ARHGAP8: variants seen among roughly 807,000 people sequenced by gnomAD.
The protein encoded by ARHGAP8 is Rho GTPase activating protein 8, also known as rho GTPase-activating protein 8.
In ARHGAP8, 62 loss-of-function variants were observed where a neutral mutation model predicts 46.1. The ratio of observed to expected loss-of-function variants is 1.34; its 90% CI spans 1.10 to 1.66. The LOEUF (loss-of-function observed/expected upper bound fraction) is 1.66. Ranked by LOEUF, ARHGAP8 falls within the 40% of genes most tolerant of loss-of-function variation. The pLI is 0.00. For synonymous variants in ARHGAP8, 375 were observed against 243.1 expected (o/e 1.54, Z -5.05); for missense variants, 923 against 568.4 (o/e 1.62, Z -6.34).
chr22:44,832,747 C>A (rs1931030652), intron 7 of ARHGAP8, among the ~76,000 whole-genome samples: 1 of 152,022 alleles, frequency 6.6e-6, no homozygotes, highest in South Asian at 2.1e-4. Context: ...CCTTTTATTG[C>A]CTGATTATGC....
At chr22:44,824,848 G>T (rs1930397405) in intron 6 of ARHGAP8, among the ~76,000 whole-genome samples, 1 of 151,852 alleles carries the variant, frequency 6.6e-6, no homozygotes, top group Admixed American at 6.6e-5. Context: ...GGCCGGGCTG[G>T]TCTCAAACTC....
At chr22:44,791,339 A>G (rs62232208) in intron 2 of ARHGAP8, among the ~76,000 whole-genome samples, 31,359 of 151,952 alleles carry the variant, frequency 0.21, 3,784 homozygotes, top group Non-Finnish European at 0.28. Context: ...TCCTTGGGAG[A>G]TGATGGCACA....
chr22:44,786,683 C>G, intron 2 of ARHGAP8, 77 bp downstream of exon 2: 1 of 1,526,382 alleles, frequency 6.6e-7, no homozygotes, highest in Non-Finnish European at 8.8e-7. Flanking sequence ...GCAAAGTGGG[C>G]TCGTCAGGGG....
intron 7 of ARHGAP8, among the ~76,000 whole-genome samples, chr22:44,840,844 G>A (rs1056871562): frequency 2.0e-5 from 3 of 152,230 alleles, no homozygotes; most frequent in East Asian, 1.9e-4. Context: ...AAGCTCCCTG[G>A]GGTCGCTTTT....
At chr22:44,782,834 CA>C (rs1569142372) in intron 1 of ARHGAP8, among the ~76,000 whole-genome samples, 1 of 152,190 alleles carries the variant, frequency 6.6e-6, no homozygotes, top group Non-Finnish European at 1.5e-5. Context: ...TCCCCGTCTC[CA>C]GCTTTCCTGG....
In ARHGAP8 at chr22:44,848,926, G is replaced by A. The variant is rs2070027059; in HGVS notation, c.749-6G>A. On this transcript the variant is annotated splice_polypyrimidine_tract_variant and splice_region_variant and intron_variant, in intron 9 of 11. Coordinates refer to ENST00000356099, the MANE Select transcript of ARHGAP8 (RefSeq NM_181335.3). ...AGACCTCAGCAGTGCTGTGTTGTGT[G>A]TGCAGGGAAGCCCGTGAACTTTGAC... The A allele has an allele frequency of 6.2e-7, 1 of 1,614,088 alleles. No homozygotes were observed. The highest frequency in any genetic ancestry group is 1.3e-5 in the African/African-American group (1 of 75,054).
chr22:44,838,053 A>G (rs917318953), intron 7 of ARHGAP8, among the ~76,000 whole-genome samples: 5 of 152,016 alleles, frequency 3.3e-5, no homozygotes, highest in African/African-American at 4.8e-5. Context: ...AGCTCGCTGC[A>G]GCCTCCACCT....
At chr22:44,826,363 T>G (rs376929248) in intron 7 of ARHGAP8, among the ~76,000 whole-genome samples, 1 of 152,170 alleles carries the variant, frequency 6.6e-6, no homozygotes, top group African/African-American at 2.4e-5. Context: ...ATACCCTTTA[T>G]CAGCCACATG....
At chr22:44,771,242 A>ATTT (rs368256843) in intron 1 of ARHGAP8, among the ~76,000 whole-genome samples, 16,668 of 108,074 alleles carry the variant, frequency 0.15, 1,694 homozygotes, top group Non-Finnish European at 0.17. Context: ...TTGCAAGTAA[A>ATTT]TTTTTTTTTT....
chr22:44,754,937 A>C (rs9614903), intron 1 of ARHGAP8, among the ~76,000 whole-genome samples: 73,388 of 151,846 alleles, frequency 0.48, 18,270 homozygotes, highest in Non-Finnish European at 0.54. Context: ...TGAGAAAGAG[A>C]TGGAGAAGGA....
rs755105561 is a variant in ARHGAP8, at chr22:44,794,078, C to T, written c.79+7472C>T. On this transcript the variant is annotated intron_variant, in intron 2 of 11. Coordinates refer to ENST00000356099, the MANE Select transcript of ARHGAP8 (RefSeq NM_181335.3). The stretch of plus-strand genomic sequence containing the variant: ...GGAGTCAGCCTCGGCCAGCTGCTCG[C>T]GTCAACCCACCCTGACGCTCACTTG... Among the ~76,000 whole-genome samples the T allele has an allele frequency of 6.6e-5, 10 of 152,196 alleles. No individual in the cohort carries two copies. In the East Asian group the frequency reaches 9.7e-4, roughly 15 times the overall value.
At chr22:44,842,488 T>C (rs763662679) in intron 7 of ARHGAP8, among the ~76,000 whole-genome samples, 7 of 152,148 alleles carry the variant, frequency 4.6e-5, no homozygotes, top group Non-Finnish European at 1.0e-4. Flanking sequence ...TTTTTGGTTG[T>C]CGTGGAATCA....
chr22:44,765,752 C>T (rs913513367), intron 1 of ARHGAP8: 1 of 152,434 alleles, frequency 6.6e-6, no homozygotes, highest in Non-Finnish European at 1.5e-5. Context: ...GACACATGAC[C>T]AGCATGTGCC....
At chr22:44,834,768 A>G (rs959766800) in intron 7 of ARHGAP8, among the ~76,000 whole-genome samples, 3 of 152,152 alleles carry the variant, frequency 2.0e-5, no homozygotes, top group Non-Finnish European at 2.9e-5. Flanking sequence ...TTTTGGCTCC[A>G]CATGTTTAGG....
At chr22:44,767,423 T>A (rs569384494) in intron 1 of ARHGAP8, among the ~76,000 whole-genome samples, 2 of 152,262 alleles carry the variant, frequency 1.3e-5, no homozygotes, top group South Asian at 4.1e-4. Context: ...CTGCCCCTCC[T>A]GAACAGAAAG....
At chr22:44,792,948 T>C (rs1927814774) in intron 2 of ARHGAP8, among the ~76,000 whole-genome samples, 2 of 151,846 alleles carry the variant, frequency 1.3e-5, no homozygotes, top group African/African-American at 4.8e-5. Context: ...CTCAGCCTCC[T>C]GAGTAGCTGG....
chr22:44,828,608 C>A (rs1930705988), intron 7 of ARHGAP8, among the ~76,000 whole-genome samples: 1 of 147,016 alleles, frequency 6.8e-6, no homozygotes, highest in Non-Finnish European at 1.5e-5. Context: ...CGCCACCACA[C>A]CTGGCTAATT....
chr22:44,755,213 G>T (rs962648057), intron 1 of ARHGAP8, among the ~76,000 whole-genome samples: 1 of 152,174 alleles, frequency 6.6e-6, no homozygotes, highest in African/African-American at 2.4e-5. Context: ...GGAAGCCAGC[G>T]GTGCTGCAGC....
rs145149069 is a variant in ARHGAP8, at chr22:44,845,963, G to A, written c.670+621G>A. Among the ~76,000 whole-genome samples the A allele has an allele frequency of 1.4e-3, 214 of 152,276 alleles. 1 individual carries two copies. The highest frequency in any genetic ancestry group is 4.7e-3 in the African/African-American group (197 of 41,552). On this transcript the variant is annotated intron_variant, in intron 8 of 11. Coordinates refer to ENST00000356099, the MANE Select transcript of ARHGAP8 (RefSeq NM_181335.3). ...TGCTAGGTGGGCCGGGTGGTCTCCAGCCTGGGTGCTGCAGCGCAGATGCGT... is the reference window on the plus strand; with the variant it reads ...TGCTAGGTGGGCCGGGTGGTCTCCAACCTGGGTGCTGCAGCGCAGATGCGT...
Sources: gnomAD v4.1 joint callset for allele counts (sites outside exome capture counted in the v4.1 genomes callset) on GRCh38, gnomAD v4.1.1 for gene constraint, MANE v1.5 for transcripts, NCBI Gene and HGNC (gene_info 2026-07-23, HGNC 2026-07-21) for gene names.